The following KIAA0232 variants were observed in gnomAD, a reference collection of about 807,000 sequenced individuals.
KIAA0232 encodes the protein uncharacterized protein KIAA0232.
KIAA0232 carries 27 observed loss-of-function variants against 122.0 expected under a neutral mutation model. That is an observed-to-expected ratio of 0.22 (90% CI 0.16 to 0.31). The LOEUF is 0.31. KIAA0232 is among the 10% of genes least tolerant of loss of function. The pLI is 1.00. For missense variants in KIAA0232, 1,551 were observed against 1,634.2 expected (o/e 0.95, Z 0.88); for synonymous variants, 613 against 587.6 (o/e 1.04, Z -0.63).
Position 6,862,243 on chromosome 4 carries a change from A to G in KIAA0232, c.1861A>G (p.Thr621Ala), listed in dbSNP as rs1347769657. The G allele has an allele frequency of 6.2e-7, 1 of 1,614,074 alleles. No homozygotes were observed. Among genetic ancestry groups the G allele is most frequent in the East Asian group, 2.2e-5 (1 of 44,890 alleles). ...PVRLSPILDS[T>A]VLNSHLLAGN... is the part of the protein sequence containing the mutation. Reference sequence around the variant, plus strand: ...TAGACTCTCTCCCATCTTAGACAGCACAGTGCTCAATTCACACCTGCTTGC... The same window carrying G: ...TAGACTCTCTCCCATCTTAGACAGCGCAGTGCTCAATTCACACCTGCTTGC... The change falls in exon 7 of 10, where the codon ACA becomes GCA. Residue 621 changes from threonine to alanine, a missense_variant. By Grantham distance (58) the Thr-to-Ala change is moderately conservative (BLOSUM62 0). This residue lies in a region of KIAA0232 where 1,108 missense variants were observed against 1,154.8 expected (regional missense o/e 0.96). Coordinates refer to ENST00000307659, the MANE Select transcript of KIAA0232 (RefSeq NM_014743.3).
intron 3 of KIAA0232, among the ~76,000 whole-genome samples, chr4:6,835,354 C>T (rs1719204770): frequency 6.6e-6 from 1 of 152,162 alleles, no homozygotes; most frequent in South Asian, 2.1e-4. Context: ...GCATCACTCT[C>T]TTGATGGTAG....
intron 3 of KIAA0232, among the ~76,000 whole-genome samples, chr4:6,836,101 C>T (rs971626302): frequency 6.6e-6 from 1 of 152,206 alleles, no homozygotes; most frequent in Non-Finnish European, 1.5e-5. Context: ...TAGAAGCGTT[C>T]CTATCTCTCC....
chr4:6,783,896 C>T (rs1468175872), intron 1 of KIAA0232, among the ~76,000 whole-genome samples: 2 of 152,180 alleles, frequency 1.3e-5, no homozygotes, highest in African/African-American at 4.8e-5. Flanking sequence ...GAGCTCTCTG[C>T]TTCTTCCCGC....
At chr4:6,788,644 G>A (rs142713055) in intron 1 of KIAA0232, among the ~76,000 whole-genome samples, 43 of 152,306 alleles carry the variant, frequency 2.8e-4, no homozygotes, top group African/African-American at 9.4e-4. Flanking sequence ...CCTCTAGTGT[G>A]CAATATAGTC....
intron 2 of KIAA0232, among the ~76,000 whole-genome samples, chr4:6,819,584 C>G (rs1718324188): frequency 6.6e-6 from 1 of 152,044 alleles, no homozygotes; most frequent in South Asian, 2.1e-4. Context: ...GAATGGCTGT[C>G]ATTAGAAGTT....
chr4:6,864,128 G>C lies in KIAA0232; in HGVS notation c.3746G>C (p.Gly1249Ala). 1.9e-6 allele frequency: 3 copies of C among 1,614,150 alleles called. No individual in the cohort carries two copies. The highest frequency in any genetic ancestry group is 2.5e-6 in the Non-Finnish European group (3 of 1,180,018). The change falls in exon 7 of 10, where the codon GGT becomes GCT. Residue 1249 changes from glycine (G) to alanine (A), a missense_variant. Transcript: ENST00000307659. ...AATAATTTTTGTGGTTGCAAAGCAG[G>C]TTGTCAGTTTCCTGCTTATGAAGAT... Reference protein sequence around the residue: ...EINNFCGCKAGCQFPAYEDNP... With the variant: ...EINNFCGCKAACQFPAYEDNP...
chr4:6,826,153 G>A (rs969231522), intron 3 of KIAA0232, among the ~76,000 whole-genome samples: 1 of 152,198 alleles, frequency 6.6e-6, no homozygotes, highest in Non-Finnish European at 1.5e-5. Flanking sequence ...TGCAGAGCAT[G>A]TTTGATGAGA....
chr4:6,816,526 C>T (rs1718136770), intron 2 of KIAA0232, among the ~76,000 whole-genome samples: 16 of 152,156 alleles, frequency 1.1e-4, no homozygotes, highest in Admixed American at 1.0e-3. Context: ...TCGTGATCCA[C>T]CCGCCTCGGC....
At position 6,824,382 on chromosome 4, in the gene KIAA0232, C is replaced by T; in HGVS notation, c.-72C>T. ...TCTACTTTTTACTGGAGTGAAAATCCCCTCCAGATACCAACAGAATATCAA... is the reference window on the plus strand; with the variant it reads ...TCTACTTTTTACTGGAGTGAAAATCTCCTCCAGATACCAACAGAATATCAA... On this transcript the variant is annotated 5_prime_UTR_variant, in exon 3 of 10. Coordinates refer to ENST00000307659, the MANE Select transcript of KIAA0232 (RefSeq NM_014743.3). The T allele has an allele frequency of 8.1e-7, 1 of 1,233,918 alleles. No individual in the cohort carries two copies. Among genetic ancestry groups the T allele is most frequent in the Non-Finnish European group, 1.2e-6 (1 of 834,916 alleles). The allele number at this position is 1,233,918 out of a possible 1,614,324, so 76.4% of individuals were successfully genotyped here. A position where few individuals can be genotyped will look rare whatever the true frequency, so the allele number is the denominator to read the frequency against.
intron 1 of KIAA0232, among the ~76,000 whole-genome samples, chr4:6,804,306 C>T (rs1342289302): frequency 6.6e-6 from 1 of 152,180 alleles, no homozygotes; most frequent in Non-Finnish European, 1.5e-5. Context: ...TACATGAACA[C>T]TAGTGTGCCC....
chr4:6,810,617 G>T (rs1035950750), intron 2 of KIAA0232, among the ~76,000 whole-genome samples: 6 of 152,086 alleles, frequency 3.9e-5, no homozygotes, highest in East Asian at 1.9e-4. Context: ...CAGAGCAAAA[G>T]AAATCAGCAG....
At chr4:6,814,965 TA>T (rs1295873923) in intron 2 of KIAA0232, among the ~76,000 whole-genome samples, 3 of 152,130 alleles carry the variant, frequency 2.0e-5, no homozygotes, top group Non-Finnish European at 2.9e-5. Context: ...TGATTTGGGC[TA>T]ATTTTGCATA....
At chr4:6,788,857 A>T (rs1716751030) in intron 1 of KIAA0232, among the ~76,000 whole-genome samples, 1 of 152,220 alleles carries the variant, frequency 6.6e-6, no homozygotes, top group Non-Finnish European at 1.5e-5. Context: ...ATAGGTGGAG[A>T]CGACACTAGT....
At chr4:6,803,814 C>T (rs186973616) in intron 1 of KIAA0232, among the ~76,000 whole-genome samples, 178 of 152,098 alleles carry the variant, frequency 1.2e-3, no homozygotes, top group Admixed American at 3.3e-3. Flanking sequence ...TACCTATTTT[C>T]TTCCTTTACA....
intron 3 of KIAA0232, among the ~76,000 whole-genome samples, chr4:6,837,392 G>A (rs1290710839): frequency 1.3e-5 from 2 of 151,646 alleles, no homozygotes; most frequent in Non-Finnish European, 2.9e-5. Flanking sequence ...TTCCTAGACG[G>A]GATGACGGCC....
At chr4:6,872,747 G>T (rs747131433) in intron 8 of KIAA0232, among the ~76,000 whole-genome samples, 3 of 152,230 alleles carry the variant, frequency 2.0e-5, no homozygotes, top group African/African-American at 4.8e-5. Context: ...CAGCTAATTT[G>T]TAGTTAGTGT....
At chr4:6,800,568 C>A (rs1163033615) in intron 1 of KIAA0232, among the ~76,000 whole-genome samples, 1 of 151,662 alleles carries the variant, frequency 6.6e-6, no homozygotes, top group Non-Finnish European at 1.5e-5. Flanking sequence ...GTAATCCCAG[C>A]TACGCAGGAG....
At chr4:6,825,715 A>G (rs529151430) in intron 3 of KIAA0232, among the ~76,000 whole-genome samples, 17 of 152,340 alleles carry the variant, frequency 1.1e-4, no homozygotes, top group African/African-American at 3.8e-4. Context: ...TCAGTACTGA[A>G]TAAATGGGCT....
Position 6,863,686 on chromosome 4 carries a change from A to T in KIAA0232, c.3304A>T (p.Ile1102Phe). ...CAGAACACAATACAGGGCTATTCGG[A>T]TCTCTCCTCGGACTCACTTTCGCCC... ...VDRTQYRAIR[I>F]SPRTHFRPIS... The change falls in exon 7 of 10, where the codon ATC becomes TTC. Residue 1102 changes from isoleucine to phenylalanine, a missense_variant. Coordinates refer to ENST00000307659, the MANE Select transcript of KIAA0232 (RefSeq NM_014743.3). 2 of 1,614,202 alleles carry T rather than the reference A, an allele frequency of 1.2e-6. No homozygotes were observed. The highest frequency in any genetic ancestry group is 1.7e-6 in the Non-Finnish European group (2 of 1,180,038).
Sources: allele counts gnomAD v4.1 joint callset (sites outside exome capture counted in the v4.1 genomes callset), GRCh38; gene constraint gnomAD v4.1.1; regional missense constraint gnomAD v4.1.1; transcripts MANE v1.5; gene names NCBI Gene and HGNC (gene_info 2026-07-23, HGNC 2026-07-21).